Variants in RICTOR observed in about 807,000 individuals in gnomAD.
RICTOR encodes the protein rapamycin-insensitive companion of mTOR.
In RICTOR, 49 loss-of-function variants were observed where a neutral mutation model predicts 214.9. That is an observed-to-expected ratio of 0.23 (90% CI 0.18 to 0.29). The LOEUF is 0.29. Among genes scored for constraint, RICTOR ranks in the 10% least tolerant of loss-of-function variants. The probability of loss-of-function intolerance (pLI) is 1.00; values close to 1 mark genes in which losing one functional copy is unlikely to be tolerated. For synonymous variants in RICTOR, 717 were observed against 711.3 expected (o/e 1.01, Z -0.13); for missense variants, 1,625 against 2,047.0 (o/e 0.79, Z 3.98).
chr5:39,059,746 G>T (rs1049679815), intron 2 of RICTOR, among the ~76,000 whole-genome samples: 1 of 151,728 alleles, frequency 6.6e-6, no homozygotes. Context: ...TTTTTTTCCA[G>T]CTCACATCAA....
At chr5:39,050,720 C>T (rs1757778860) in intron 2 of RICTOR, among the ~76,000 whole-genome samples, 2 of 152,102 alleles carry the variant, frequency 1.3e-5, no homozygotes, top group Non-Finnish European at 2.9e-5. Context: ...CTTAGAAATA[C>T]ATACTGATGA....
chr5:39,021,938 T>C lies in RICTOR; in HGVS notation c.98-802A>G, dbSNP rs573284918. On this transcript the variant is annotated intron_variant, in intron 2 of 37. Transcript: ENST00000357387. ...CAAAAAATTAGATAAAATATATAGATGGTCTGTGACTTAGAACGGTTAGAC... is the reference window on the plus strand; with the variant it reads ...CAAAAAATTAGATAAAATATATAGACGGTCTGTGACTTAGAACGGTTAGAC... Among the ~76,000 whole-genome samples, 31 of 152,294 alleles carry C rather than the reference T, an allele frequency of 2.0e-4. No individual in the cohort carries two copies. The South Asian group carries it at 5.4e-3, about 26-fold the overall frequency.
rs746361791 is a variant in RICTOR at position 38,949,706 on chromosome 5, G to A, written c.4136+6C>T. On this transcript the variant is annotated splice_donor_region_variant and intron_variant, in intron 31 of 37. Coordinates refer to ENST00000357387, the MANE Select transcript of RICTOR (RefSeq NM_152756.5). ...ATTGGTCACTTCTAAACATATATTT[G>A]CTTACCTGCTTGGTGTTAATCTGGA... The A allele has an allele frequency of 3.1e-6, 5 of 1,607,696 alleles. No homozygotes were observed. In the Admixed American group the frequency reaches 5.0e-5, roughly 16 times the overall value.
intron 20 of RICTOR, 112 bp from the exon 21 acceptor site, chr5:38,960,090 T>C (rs1007107173): frequency 5.2e-6 from 4 of 767,416 alleles, no homozygotes; most frequent in African/African-American, 5.2e-5. Context: ...TTACCAATAA[T>C]AGCTATCAAT....
chr5:39,012,852 C>G (rs1754645999), intron 3 of RICTOR, among the ~76,000 whole-genome samples: 1 of 152,122 alleles, frequency 6.6e-6, no homozygotes, highest in South Asian at 2.1e-4. Flanking sequence ...AATTGGCTAT[C>G]AGTCACAACG....
At chr5:38,952,600 T>TA (rs78608787) in intron 29 of RICTOR, among the ~76,000 whole-genome samples, 175 bp from the exon 30 acceptor site, 2,827 of 150,846 alleles carry the variant, frequency 0.019, 58 homozygotes, top group African/African-American at 0.053. Flanking sequence ...TTAGCAGCAA[T>TA]AAAAAACAAG....
chr5:38,955,544 TA>T, intron 26 of RICTOR, 50 bp downstream of exon 26: 1 of 990,954 alleles, frequency 1.0e-6, no homozygotes, highest in Non-Finnish European at 1.6e-6. Context: ...TCAGAAATGT[TA>T]AAAATAATTT....
At chr5:38,962,025 G>A (rs1749836653) in intron 19 of RICTOR, among the ~76,000 whole-genome samples, 1 of 152,052 alleles carries the variant, frequency 6.6e-6, no homozygotes, top group East Asian at 1.9e-4. Flanking sequence ...ATATGTCAGG[G>A]CTAAGACCCA....
At position 39,000,233 on chromosome 5, in the gene RICTOR, T is replaced by C. The variant is rs539049760; in HGVS notation, c.392+2302A>G. 3.3e-5 allele frequency among the ~76,000 whole-genome samples: 5 copies of C among 151,822 alleles called. No homozygotes were observed. The East Asian group carries it at 9.7e-4, about 29-fold the overall frequency. ...GATCCATTAATGAATTATAATCATG[T>C]AGGACAAAAAAAAATACATATCTTA... On this transcript the variant is annotated intron_variant, in intron 5 of 37. Transcript: ENST00000357387.
chr5:38,982,385 A>G (rs1317800063), intron 7 of RICTOR, among the ~76,000 whole-genome samples: 1 of 152,194 alleles, frequency 6.6e-6, no homozygotes, highest in Non-Finnish European at 1.5e-5. Context: ...GATTTTGATT[A>G]AAATGGTGTA....
chr5:39,011,883 T>C (rs2150121981), intron 3 of RICTOR, among the ~76,000 whole-genome samples: 1 of 152,318 alleles, frequency 6.6e-6, no homozygotes, highest in Non-Finnish European at 1.5e-5. Context: ...ACTTGCCTTG[T>C]CTCCAATGAA....
intron 2 of RICTOR, among the ~76,000 whole-genome samples, chr5:39,032,617 C>G (rs114086987): frequency 0.025 from 3,840 of 152,156 alleles, 72 homozygotes; most frequent in South Asian, 0.082. Flanking sequence ...GCCACTACCC[C>G]CAAGATCATA....
At chr5:39,059,311 C>A (rs926708624) in intron 2 of RICTOR, among the ~76,000 whole-genome samples, 1 of 151,996 alleles carries the variant, frequency 6.6e-6, no homozygotes, top group African/African-American at 2.4e-5. Flanking sequence ...CAAAAACCGG[C>A]GGCTAAACTA....
In RICTOR at chr5:39,055,250, C is replaced by G. The variant is rs1758124324; in HGVS notation, c.97+18861G>C. The stretch of plus-strand genomic sequence containing the variant: ...TCTCCTAATCTCATATTCCCATACT[C>G]TCTCTCTCATTCATCAAGCACTAGC... On this transcript the variant is annotated intron_variant, in intron 2 of 37. Transcript: ENST00000357387. Among the ~76,000 whole-genome samples, 5 of 152,108 alleles carry G rather than the reference C, an allele frequency of 3.3e-5. No homozygotes were observed. The South Asian group carries it at 1.0e-3, about 32-fold the overall frequency.
At chr5:38,961,816 A>G (rs1290767105) in intron 19 of RICTOR, among the ~76,000 whole-genome samples, 1 of 152,124 alleles carries the variant, frequency 6.6e-6, no homozygotes. Flanking sequence ...TGGTTAGTCT[A>G]AACTCAGGAG....
intron 3 of RICTOR, among the ~76,000 whole-genome samples, chr5:39,006,129 T>C (rs1181184957): frequency 6.6e-6 from 1 of 152,206 alleles, no homozygotes; most frequent in Non-Finnish European, 1.5e-5. Context: ...TCCCGTTTCC[T>C]GCCCATACTT....
chr5:38,949,404 A>G (rs768151236), intron 31 of RICTOR: 1 of 1,592,202 alleles, frequency 6.3e-7, no homozygotes. Context: ...GATTCCCCCG[A>G]CATGCTTCTT....
intron 2 of RICTOR, among the ~76,000 whole-genome samples, chr5:39,021,875 T>C (rs908506110): frequency 1.3e-5 from 2 of 152,196 alleles, no homozygotes; most frequent in South Asian, 2.1e-4. Context: ...TACAGTGTAG[T>C]AAAAGGGACG....
At chr5:39,041,635 C>T (rs113209089) in intron 2 of RICTOR, among the ~76,000 whole-genome samples, 2 of 152,054 alleles carry the variant, frequency 1.3e-5, no homozygotes, top group East Asian at 1.9e-4. Flanking sequence ...TCTAGATTTC[C>T]GGATTGGGTA....
Sources: gnomAD v4.1 joint callset for allele counts (sites outside exome capture counted in the v4.1 genomes callset) on GRCh38, gnomAD v4.1.1 for gene constraint, MANE v1.5 for transcripts, NCBI Gene and HGNC (gene_info 2026-07-23, HGNC 2026-07-21) for gene names.